DGKB: variants seen among roughly 807,000 people sequenced by gnomAD.
DGKB encodes the protein 90 kDa diacylglycerol kinase.
DGKB carries 67 observed loss-of-function variants against 114.3 expected under a neutral mutation model. The observed-to-expected ratio is 0.59, with a 90% CI of 0.48 to 0.72. The LOEUF (loss-of-function observed/expected upper bound fraction) is 0.72, where lower values mean the gene tolerates loss of function less well. DGKB is among the 30% of genes least tolerant of loss of function. The pLI is 0.00. For synonymous variants in DGKB, 398 were observed against 323.1 expected (o/e 1.23, Z -2.49); for missense variants, 907 against 975.2 (o/e 0.93, Z 0.93).
At chr7:14,548,045 A>C (rs1794569587) in intron 20 of DGKB, among the ~76,000 whole-genome samples, 1 of 152,230 alleles carries the variant, frequency 6.6e-6, no homozygotes, top group South Asian at 2.1e-4. Context: ...TATACCTAGA[A>C]AGTATTATTT....
intron 17 of DGKB, among the ~76,000 whole-genome samples, chr7:14,587,574 CA>C (rs1286642498): frequency 6.6e-6 from 1 of 152,066 alleles, no homozygotes; most frequent in Non-Finnish European, 1.5e-5. Flanking sequence ...TAGCAAACAG[CA>C]TCACATGCTA....
At chr7:14,355,179 C>T (rs1204573167) in intron 21 of DGKB, among the ~76,000 whole-genome samples, 1 of 152,120 alleles carries the variant, frequency 6.6e-6, no homozygotes, top group Admixed American at 6.5e-5. Flanking sequence ...CTCCACCAAC[C>T]CCCCATCCTA....
intron 2 of DGKB, among the ~76,000 whole-genome samples, chr7:14,810,993 C>A (rs1326196950): frequency 1.3e-5 from 2 of 152,160 alleles, no homozygotes; most frequent in Non-Finnish European, 2.9e-5. Context: ...ACCTCTATAG[C>A]CATGTGTGGC....
intron 19 of DGKB, among the ~76,000 whole-genome samples, chr7:14,575,031 G>A (rs1030347801): frequency 1.3e-5 from 2 of 152,178 alleles, no homozygotes; most frequent in African/African-American, 2.4e-5. Context: ...AGGCTGAGGC[G>A]GGAGGACTAC....
chr7:14,220,188 G>A (rs1789697511), intron 23 of DGKB, among the ~76,000 whole-genome samples: 1 of 151,622 alleles, frequency 6.6e-6, no homozygotes, highest in East Asian at 1.9e-4. Flanking sequence ...CTGTATGTAA[G>A]CATGTCAAAA....
At chr7:14,801,411 G>T (rs1842129974) in intron 2 of DGKB, among the ~76,000 whole-genome samples, 1 of 152,028 alleles carries the variant, frequency 6.6e-6, no homozygotes, top group African/African-American at 2.4e-5. Context: ...CTGGGCATGG[G>T]GTTCCCAAAT....
chr7:14,472,044 A>C (rs907599503), intron 21 of DGKB, among the ~76,000 whole-genome samples: 4 of 152,218 alleles, frequency 2.6e-5, no homozygotes, highest in African/African-American at 9.6e-5. Flanking sequence ...GCTGGCCATA[A>C]GTGCTTACTA....
chr7:14,445,290 C>T (rs1830581072), intron 21 of DGKB, among the ~76,000 whole-genome samples: 1 of 151,738 alleles, frequency 6.6e-6, no homozygotes, highest in Admixed American at 6.6e-5. Context: ...CCTTTTCCCA[C>T]TATATATTTT....
intron 15 of DGKB, among the ~76,000 whole-genome samples, chr7:14,620,110 T>C (rs1048606282): frequency 1.3e-5 from 2 of 151,558 alleles, no homozygotes; most frequent in African/African-American, 2.4e-5. Flanking sequence ...AAATTGTGGA[T>C]AGATTTTATA....
intron 13 of DGKB, among the ~76,000 whole-genome samples, chr7:14,632,287 T>C (rs1809872515): frequency 6.6e-6 from 1 of 151,922 alleles, no homozygotes; most frequent in Admixed American, 6.6e-5. Context: ...TATAATAATG[T>C]CATTAGGTAG....
chr7:14,916,848 C>T (rs1245542837), intron 1 of DGKB, among the ~76,000 whole-genome samples: 1 of 152,012 alleles, frequency 6.6e-6, no homozygotes, highest in Admixed American at 6.6e-5. Flanking sequence ...ACATTCTTTT[C>T]ACATTCCCAT....
At chr7:14,348,977 TAAG>T (rs2128601517) in intron 21 of DGKB, among the ~76,000 whole-genome samples, 1 of 152,114 alleles carries the variant, frequency 6.6e-6, no homozygotes, top group African/African-American at 2.4e-5. Context: ...ATCTTATGAT[TAAG>T]AAGAAGCTGA....
chr7:14,777,812 G>A (rs552156901), intron 2 of DGKB, among the ~76,000 whole-genome samples: 8 of 152,200 alleles, frequency 5.3e-5, no homozygotes, highest in African/African-American at 9.6e-5. Flanking sequence ...ACGGGTCAAC[G>A]GGCTCACAGA....
intron 19 of DGKB, among the ~76,000 whole-genome samples, chr7:14,576,914 A>C (rs1799210349): frequency 6.6e-6 from 1 of 152,184 alleles, no homozygotes; most frequent in Non-Finnish European, 1.5e-5. Flanking sequence ...GAGAATTACA[A>C]CATCTGCAAT....
rs187896474 is a variant in DGKB, at chr7:14,366,740, T to A, written c.1836-21349A>T. ...CTAATATTATAATTAGGCATGTTTT[T>A]AAAGAAAAATTAATATTAAATATAG... On this transcript the variant is annotated intron_variant, in intron 21 of 25. Transcript: ENST00000402815. Among the ~76,000 whole-genome samples, 540 of 152,252 alleles carry A rather than the reference T, an allele frequency of 3.5e-3. 11 individuals are homozygous for A. The highest frequency in any genetic ancestry group is 0.026 in the Admixed American group (392 of 15,262).
intron 1 of DGKB, among the ~76,000 whole-genome samples, chr7:14,882,353 GGA>G (rs1562803696): frequency 1.3e-5 from 2 of 151,988 alleles, no homozygotes; most frequent in African/African-American, 4.8e-5. Flanking sequence ...AATAGTAAAA[GGA>G]GAGAGAGTAG....
At chr7:14,754,234 G>C (rs1159221495) in intron 3 of DGKB, among the ~76,000 whole-genome samples, 2 of 152,012 alleles carry the variant, frequency 1.3e-5, no homozygotes, top group African/African-American at 4.8e-5. Flanking sequence ...CAAGCCCCCC[G>C]GTTGATTCTG....
At chr7:14,177,581 TTGG>T (rs1781969498) in intron 24 of DGKB, among the ~76,000 whole-genome samples, 1 of 105,994 alleles carries the variant, frequency 9.4e-6, no homozygotes, top group African/African-American at 3.6e-5. Flanking sequence ...AAAAAAAAAA[TTGG>T]GGGGAAATTT....
chr7:14,164,216 T>C (rs998850022), intron 25 of DGKB, among the ~76,000 whole-genome samples: 3 of 152,316 alleles, frequency 2.0e-5, no homozygotes, highest in African/African-American at 7.2e-5. Flanking sequence ...TTTTCTTTCA[T>C]CACTAAAAAT....
Sources: gnomAD v4.1 joint callset for allele counts (sites outside exome capture counted in the v4.1 genomes callset) on GRCh38, gnomAD v4.1.1 for gene constraint, MANE v1.5 for transcripts, NCBI Gene and HGNC (gene_info 2026-07-23, HGNC 2026-07-21) for gene names.